The following MARCHF5 variants were observed in gnomAD, a reference collection of about 807,000 sequenced individuals.
The protein encoded by MARCHF5 is membrane associated ring-CH-type finger 5.
MARCHF5 carries 5 observed loss-of-function variants against 36.5 expected under a neutral mutation model. The observed-to-expected ratio is 0.14, with a 90% CI of 0.07 to 0.29. MARCHF5 has a LOEUF of 0.29. Among genes scored for constraint, MARCHF5 ranks in the 10% least tolerant of loss-of-function variants. The pLI is 1.00. For missense variants in MARCHF5, 179 were observed against 336.3 expected, an observed-to-expected ratio of 0.53 and a Z score of 3.66; for synonymous variants, 103 against 109.9, an observed-to-expected ratio of 0.94 and a Z score of 0.39.
At chr10:92,311,045 C>A in intron 1 of MARCHF5, 90 bp from the exon 2 acceptor site, 1 of 863,084 alleles carries the variant, frequency 1.2e-6, no homozygotes, top group Non-Finnish European at 1.8e-6. Flanking sequence ...TATAACATAG[C>A]AGGCTCATCC....
intron 1 of MARCHF5, among the ~76,000 whole-genome samples, chr10:92,299,800 T>C (rs933186383): frequency 6.6e-5 from 10 of 152,170 alleles, no homozygotes; most frequent in African/African-American, 2.4e-4. Context: ...TTTCATTCTT[T>C]GTGACATATC....
At chr10:92,314,202 A>C (rs2135188865) in intron 2 of MARCHF5, among the ~76,000 whole-genome samples, 1 of 34,040 alleles carries the variant, frequency 2.9e-5, no homozygotes, top group East Asian at 8.5e-4. Context: ...ACAGAGTGAA[A>C]CCAATCTTAA....
chr10:92,293,883 A>G (rs1302238168), intron 1 of MARCHF5, among the ~76,000 whole-genome samples: 1 of 152,012 alleles, frequency 6.6e-6, no homozygotes, highest in African/African-American at 2.4e-5. Context: ...GCTTACTCTC[A>G]TCTTTGTACT....
chr10:92,351,034 A>T, intron 5 of MARCHF5, 57 bp from the exon 6 acceptor site: 1 of 915,728 alleles, frequency 1.1e-6, no homozygotes, highest in Non-Finnish European at 1.7e-6. Flanking sequence ...AATTATTTTT[A>T]TTACTCTGTT....
At chr10:92,296,240 A>G (rs1027230974) in intron 1 of MARCHF5, among the ~76,000 whole-genome samples, 1 of 152,172 alleles carries the variant, frequency 6.6e-6, no homozygotes, top group Middle Eastern at 3.4e-3. Flanking sequence ...ATGTAAATTT[A>G]TTATTTGAAC....
At chr10:92,312,612 T>G (rs1214510819) in intron 2 of MARCHF5, among the ~76,000 whole-genome samples, 1 of 152,262 alleles carries the variant, frequency 6.6e-6, no homozygotes, top group Non-Finnish European at 1.5e-5. Context: ...AGTTAAGGTT[T>G]CATATTTAAC....
intron 2 of MARCHF5, among the ~76,000 whole-genome samples, chr10:92,311,773 T>C: frequency 6.6e-6 from 1 of 152,240 alleles, no homozygotes. Flanking sequence ...TTTAATAAGA[T>C]GTGACGTTAA....
At chr10:92,314,263 C>A (rs546624250) in intron 2 of MARCHF5, among the ~76,000 whole-genome samples, 23 of 152,122 alleles carry the variant, frequency 1.5e-4, no homozygotes, top group Admixed American at 9.2e-4. Context: ...TCAAGCTGGT[C>A]ACTATACTGT....
At chr10:92,343,753 G>A (rs570460415) in intron 3 of MARCHF5, among the ~76,000 whole-genome samples, 1 of 152,248 alleles carries the variant, frequency 6.6e-6, no homozygotes, top group East Asian at 1.9e-4. Flanking sequence ...CTTTTTAGTA[G>A]AGATGGGGTT....
rs1289044676 is a variant in MARCHF5, at chr10:92,333,177, A to C, written c.239-7496A>C. 2.0e-5 allele frequency among the ~76,000 whole-genome samples: 3 copies of C among 151,892 alleles called. No homozygotes were observed. In the East Asian group the frequency reaches 5.8e-4, roughly 29 times the overall value. On this transcript the variant is annotated intron_variant, in intron 2 of 5. Coordinates refer to ENST00000358935, the MANE Select transcript of MARCHF5 (RefSeq NM_017824.5). ...CTCCGTCTTGCCAAAAGAAAAAAAA[A>C]AAAAGAAAAAAAAAATTCACGTTTG...
Position 92,291,276 on chromosome 10 carries a change from C to G in MARCHF5, c.-219C>G, listed in dbSNP as rs918502064. The G allele has an allele frequency of 7.3e-6, 4 of 547,334 alleles. No homozygotes were observed. Among genetic ancestry groups the G allele is most frequent in the Non-Finnish European group, 1.3e-5 (4 of 315,634 alleles). 33.9% of individuals were successfully genotyped at this position (547,334 alleles called of 1,614,324 possible). ...CGGGCCGCGATCGCCGCCTCCCCGC[C>G]TCAGGCTCCTCCTCCTCGCTCTCCG... is the stretch of plus-strand genomic sequence containing the variant. On this transcript the variant is annotated 5_prime_UTR_variant, in exon 1 of 6. Transcript: ENST00000358935.
chr10:92,337,246 T>C (rs996346746), intron 2 of MARCHF5, among the ~76,000 whole-genome samples: 2 of 152,154 alleles, frequency 1.3e-5, no homozygotes, highest in Non-Finnish European at 2.9e-5. Flanking sequence ...CCGGGCGCAG[T>C]GGCTCACACC....
chr10:92,295,407 A>ATTTATTTT (rs1842937843), intron 1 of MARCHF5, among the ~76,000 whole-genome samples: 1 of 77,884 alleles, frequency 1.3e-5, no homozygotes, highest in South Asian at 3.9e-4. Context: ...TTATTTATTT[A>ATTTATTTT]TTTTTTATTT....
intron 1 of MARCHF5, among the ~76,000 whole-genome samples, chr10:92,295,478 G>A (rs1842939444): frequency 6.7e-6 from 1 of 148,952 alleles, no homozygotes; most frequent in Non-Finnish European, 1.5e-5. Flanking sequence ...CGCAATCTTG[G>A]CTCGCTGCAA....
chr10:92,345,398 CG>C (rs1263964271), intron 3 of MARCHF5, among the ~76,000 whole-genome samples: 2 of 152,004 alleles, frequency 1.3e-5, no homozygotes, highest in African/African-American at 4.8e-5. Context: ...CCAGCTACTC[CG>C]GATGCTGAGG....
At chr10:92,338,594 A>G (rs1843533685) in intron 2 of MARCHF5, among the ~76,000 whole-genome samples, 2 of 152,224 alleles carry the variant, frequency 1.3e-5, no homozygotes, top group South Asian at 4.1e-4. Context: ...TATGCTATAC[A>G]TATTATAAAT....
chr10:92,291,550 G>A (rs758676998), intron 1 of MARCHF5, 21 bp downstream of exon 1: 48 of 1,530,256 alleles, frequency 3.1e-5, no homozygotes, highest in Non-Finnish European at 3.8e-5. Flanking sequence ...CTGTGGGGGG[G>A]ACCGGGAGCC....
At chr10:92,324,685 T>A (rs992636223) in intron 2 of MARCHF5, among the ~76,000 whole-genome samples, 4 of 152,230 alleles carry the variant, frequency 2.6e-5, no homozygotes, top group African/African-American at 7.2e-5. Context: ...TCATAATTTT[T>A]GTTGGGTTTT....
chr10:92,324,603 G>T (rs771651436), intron 2 of MARCHF5, among the ~76,000 whole-genome samples: 1 of 152,054 alleles, frequency 6.6e-6, no homozygotes, highest in African/African-American at 2.4e-5. Context: ...ACCTCATGCC[G>T]CACCCGGCCT....
Sources: gnomAD v4.1 joint callset for allele counts (sites outside exome capture counted in the v4.1 genomes callset) on GRCh38, gnomAD v4.1.1 for gene constraint, MANE v1.5 for transcripts, NCBI Gene and HGNC (gene_info 2026-07-23, HGNC 2026-07-21) for gene names.